The following CD8B2 variants were observed in gnomAD, a reference collection of about 807,000 sequenced individuals.
CD8B2 encodes the protein CD8B family member 2, also known as T-cell surface glycoprotein CD8 beta-2 chain.
Under a neutral mutation model 23.7 loss-of-function variants are expected in CD8B2, and 11 were observed. That is an observed-to-expected ratio of 0.46 (90% confidence interval 0.29 to 0.77). CD8B2 has a LOEUF of 0.77. Ranked by LOEUF, CD8B2 falls within the 30% of genes least tolerant of loss-of-function variation. The probability of loss-of-function intolerance (pLI) is 0.09; values close to 1 mark genes in which losing one functional copy is unlikely to be tolerated. For synonymous variants in CD8B2, 90 were observed against 109.3 expected (o/e 0.82, Z 1.10); for missense variants, 197 against 270.5 (o/e 0.73, Z 1.91).
intron 5 of CD8B2, chr2:106,543,913 T>C: frequency 2.5e-6 from 1 of 398,252 alleles, no homozygotes; most frequent in South Asian, 1.3e-4. Context: ...CACTGAAAGT[T>C]TTGTGATGTA....
chr2:106,531,181 T>G (rs1052461078), intron 5 of CD8B2, among the ~76,000 whole-genome samples: 1 of 152,332 alleles, frequency 6.6e-6, no homozygotes, highest in African/African-American at 2.4e-5. Flanking sequence ...AAGGATCAAG[T>G]AGCAGAATTT....
intron 5 of CD8B2, among the ~76,000 whole-genome samples, chr2:106,528,635 AGAATAGCTCAT>A (rs1345553120): frequency 1.3e-5 from 2 of 152,246 alleles, no homozygotes; most frequent in Non-Finnish European, 2.9e-5. Flanking sequence ...AATGAAAAAG[AGAATAGCTCAT>A]GAATAATTAA....
At chr2:106,515,545 G>A (rs1679716475), downstream of CD8B2, among the ~76,000 whole-genome samples, 1 of 152,158 alleles carries the variant, frequency 6.6e-6, no homozygotes, top group Non-Finnish European at 1.5e-5. Flanking sequence ...CGGAGAGAAG[G>A]TGCCATCTAT....
At chr2:106,523,721 A>T (rs1422664961) in intron 5 of CD8B2, among the ~76,000 whole-genome samples, 1 of 152,236 alleles carries the variant, frequency 6.6e-6, no homozygotes, top group Non-Finnish European at 1.5e-5. Flanking sequence ...TTCAGGTGAC[A>T]TCAACTAGGA....
chr2:106,541,985 C>T (rs536338868), intron 5 of CD8B2, among the ~76,000 whole-genome samples: 2 of 152,320 alleles, frequency 1.3e-5, no homozygotes, highest in South Asian at 2.1e-4. Flanking sequence ...GCGGGACCAC[C>T]GTTCCCCATG....
At chr2:106,532,042 C>A (rs748434393) in intron 5 of CD8B2, among the ~76,000 whole-genome samples, 3 of 152,262 alleles carry the variant, frequency 2.0e-5, no homozygotes, top group Non-Finnish European at 4.4e-5. Context: ...CACACCCAAC[C>A]GCCCTCTTGA....
At chr2:106,530,275 C>T (rs1679972487) in intron 5 of CD8B2, among the ~76,000 whole-genome samples, 1 of 152,190 alleles carries the variant, frequency 6.6e-6, no homozygotes, top group South Asian at 2.1e-4. Context: ...TTTGAAATTC[C>T]ATAGGCCTTG....
intron 5 of CD8B2, among the ~76,000 whole-genome samples, chr2:106,529,511 A>G (rs1049166348): frequency 6.6e-6 from 1 of 152,202 alleles, no homozygotes; most frequent in Non-Finnish European, 1.5e-5. Flanking sequence ...TGATGTCCAG[A>G]TGCCTTCTCT....
At chr2:106,540,884 T>C (rs193068406) in intron 5 of CD8B2, among the ~76,000 whole-genome samples, 2 of 152,280 alleles carry the variant, frequency 1.3e-5, no homozygotes, top group East Asian at 3.9e-4. Context: ...TATAACTACC[T>C]TTTGCAGTAA....
chr2:106,513,670 T>C (rs1446781211), downstream of CD8B2, among the ~76,000 whole-genome samples: 1 of 151,810 alleles, frequency 6.6e-6, no homozygotes, highest in African/African-American at 2.4e-5. Context: ...CTAGGCCTGC[T>C]GTCTGGGCAA....
chr2:106,531,880 TC>T (rs1211142177), intron 5 of CD8B2, among the ~76,000 whole-genome samples: 1 of 152,172 alleles, frequency 6.6e-6, no homozygotes, highest in Non-Finnish European at 1.5e-5. Context: ...AGCCCAGCAT[TC>T]CAGTCTCCCC....
chr2:106,487,746 G>C (rs1274606357), intron 1 of CD8B2, among the ~76,000 whole-genome samples: 2 of 152,212 alleles, frequency 1.3e-5, no homozygotes, highest in African/African-American at 4.8e-5. Context: ...AAAGGGGAGC[G>C]AGTGAGGGAA....
At chr2:106,512,683 G>A (rs1238566474), downstream of CD8B2, among the ~76,000 whole-genome samples, 19 of 152,016 alleles carry the variant, frequency 1.2e-4, no homozygotes, top group African/African-American at 3.6e-4. Context: ...GAGCTCAAGC[G>A]ATCCTCCCAC....
At chr2:106,514,383 G>A (rs763631122), downstream of CD8B2, among the ~76,000 whole-genome samples, 1 of 151,096 alleles carries the variant, frequency 6.6e-6, no homozygotes, top group Middle Eastern at 3.2e-3. Flanking sequence ...TGCCTCTCGG[G>A]TTCAAGCGAT....
Position 106,490,936 on chromosome 2 carries a change from A to T in CD8B2, c.106A>T (p.Met36Leu). 6.2e-7 allele frequency: 1 copy of T among 1,613,386 alleles called. No homozygotes were observed. The highest frequency in any genetic ancestry group is 8.5e-7 in the Non-Finnish European group (1 of 1,179,556). Residue 36 changes from methionine (M) to leucine (L), a missense_variant, in exon 2 of 6, where the codon ATG (methionine) becomes TTG (leucine). By Grantham distance (15) the Met-to-Leu change is conservative. Transcript: ENST00000643224. ...ATACATAAAGGTGCAAACCAACAAGATGGTGATGCTGTCCTGCGAGGCTAA... is the reference window on the plus strand; with the variant it reads ...ATACATAAAGGTGCAAACCAACAAGTTGGTGATGCTGTCCTGCGAGGCTAA... ...PAYIKVQTNK[M>L]VMLSCEAKIS...
chr2:106,501,548 G>C (rs1454755496), intron 3 of CD8B2, among the ~76,000 whole-genome samples: 1 of 152,058 alleles, frequency 6.6e-6, no homozygotes, highest in African/African-American at 2.4e-5. Context: ...CAGGCATGAC[G>C]GCGGACGCCT....
downstream of CD8B2, among the ~76,000 whole-genome samples, chr2:106,511,737 C>T (rs1008704240): frequency 3.3e-5 from 5 of 152,176 alleles, no homozygotes; most frequent in African/African-American, 9.7e-5. Flanking sequence ...TTTCCTCTGT[C>T]GCTTCTTGGG....
In CD8B2 at chr2:106,502,426, G is replaced by A. The variant is rs940658384; in HGVS notation, c.494-48G>A. ...CCTTGTATTTTTCTGCGTGTCTCACGCAGAAAAATGTTCTGTGTTGAACAC... is the reference window on the plus strand; with the variant it reads ...CCTTGTATTTTTCTGCGTGTCTCACACAGAAAAATGTTCTGTGTTGAACAC... On this transcript the variant is annotated intron_variant, in intron 3 of 5. Coordinates refer to ENST00000643224, the MANE Select transcript of CD8B2 (RefSeq NM_001349727.2). 4.6e-5 allele frequency: 53 copies of A among 1,153,132 alleles called. No homozygotes were observed. In the African/African-American group the frequency reaches 6.9e-4, roughly 15 times the overall value. The allele number at this position is 1,153,132 out of a possible 1,614,324, so 71.4% of individuals were successfully genotyped here.
intron 3 of CD8B2, among the ~76,000 whole-genome samples, chr2:106,500,503 C>T (rs1246418805): frequency 6.7e-6 from 1 of 150,176 alleles, no homozygotes; most frequent in East Asian, 1.9e-4. Flanking sequence ...TGGGCAACAA[C>T]AGCAAAACTC....
Sources: allele counts gnomAD v4.1 joint callset (sites outside exome capture counted in the v4.1 genomes callset), GRCh38; gene constraint gnomAD v4.1.1; transcripts MANE v1.5; gene names NCBI Gene and HGNC (gene_info 2026-07-23, HGNC 2026-07-21).